The following PTPRD variants were observed in gnomAD, a reference collection of about 807,000 sequenced individuals.
The protein encoded by PTPRD is protein tyrosine phosphatase receptor type D, also known as receptor-type tyrosine-protein phosphatase delta.
PTPRD carries 34 observed loss-of-function variants against 214.5 expected under a neutral mutation model. The observed-to-expected ratio is 0.16, with a 90% CI of 0.12 to 0.21. The LOEUF (loss-of-function observed/expected upper bound fraction) is 0.21. Ranked by LOEUF, PTPRD falls within the 10% of genes least tolerant of loss-of-function variation. PTPRD has a pLI of 1.00. For synonymous variants in PTPRD, 1,128 were observed against 845.7 expected (o/e 1.33, Z -5.79); for missense variants, 2,545 against 2,398.7 (o/e 1.06, Z -1.27).
At chr9:10,434,009 T>G (rs1174639629) in intron 2 of PTPRD, among the ~76,000 whole-genome samples, 1 of 151,836 alleles carries the variant, frequency 6.6e-6, no homozygotes, top group East Asian at 1.9e-4. Flanking sequence ...CAGATGAAAA[T>G]TATAAACAAT....
chr9:8,639,010 T>C (rs2096513032), intron 12 of PTPRD, among the ~76,000 whole-genome samples: 1 of 152,048 alleles, frequency 6.6e-6, no homozygotes, highest in South Asian at 2.1e-4. Context: ...GCTCAGCTAA[T>C]TTTTGTATTT....
At chr9:8,842,604 G>C (rs1379910495) in intron 11 of PTPRD, among the ~76,000 whole-genome samples, 3 of 152,196 alleles carry the variant, frequency 2.0e-5, no homozygotes, top group Middle Eastern at 3.4e-3. Flanking sequence ...GTTAGGCTCA[G>C]TACTGTCTCT....
intron 2 of PTPRD, among the ~76,000 whole-genome samples, chr9:10,549,421 T>C (rs2060836015): frequency 6.6e-6 from 1 of 152,142 alleles, no homozygotes; most frequent in African/African-American, 2.4e-5. Context: ...AAATTGTCTA[T>C]CATTTAGTCT....
At chr9:8,816,802 G>C (rs1042205070) in intron 11 of PTPRD, among the ~76,000 whole-genome samples, 4 of 151,834 alleles carry the variant, frequency 2.6e-5, no homozygotes, top group African/African-American at 9.7e-5. Context: ...TTTAGGAATA[G>C]AAGAAGAAAG....
intron 3 of PTPRD, among the ~76,000 whole-genome samples, chr9:10,039,062 A>G (rs147000957): frequency 1.3e-5 from 2 of 152,256 alleles, no homozygotes; most frequent in East Asian, 1.9e-4. Flanking sequence ...AATTGGCTAC[A>G]TGAAAAAGAT....
chr9:9,009,535 G>C (rs1409021683), intron 11 of PTPRD, among the ~76,000 whole-genome samples: 1 of 151,720 alleles, frequency 6.6e-6, no homozygotes, highest in Non-Finnish European at 1.5e-5. Context: ...CTGGAAAGGA[G>C]GAAAAGTATA....
At chr9:9,488,456 G>C (rs1247907946) in intron 8 of PTPRD, among the ~76,000 whole-genome samples, 1 of 152,176 alleles carries the variant, frequency 6.6e-6, no homozygotes, top group South Asian at 2.1e-4. Context: ...AGCAACTGGA[G>C]AATAGTGTTT....
intron 10 of PTPRD, among the ~76,000 whole-genome samples, chr9:9,100,101 A>G (rs1052036491): frequency 6.6e-6 from 1 of 152,152 alleles, no homozygotes; most frequent in African/African-American, 2.4e-5. Flanking sequence ...CAGAAAGTAG[A>G]TTATTTATTT....
intron 31 of PTPRD, 87 bp downstream of exon 31, chr9:8,470,908 G>A (rs948514391): frequency 8.5e-7 from 1 of 1,182,242 alleles, no homozygotes; most frequent in Admixed American, 1.7e-5. Flanking sequence ...ACCCAGATTA[G>A]ATCCTGAAAG....
chr9:9,075,879 A>G (rs1314724379), intron 10 of PTPRD, among the ~76,000 whole-genome samples: 1 of 152,156 alleles, frequency 6.6e-6, no homozygotes, highest in African/African-American at 2.4e-5. Context: ...ATACGTGTGC[A>G]TGTGTCTTTA....
At chr9:8,685,357 G>A (rs976385771) in intron 12 of PTPRD, among the ~76,000 whole-genome samples, 11 of 151,732 alleles carry the variant, frequency 7.2e-5, no homozygotes, top group Admixed American at 3.3e-4. Flanking sequence ...CAGAATTTTG[G>A]GGAAAAAAAA....
At chr9:9,089,991 C>A (rs1452046371) in intron 10 of PTPRD, among the ~76,000 whole-genome samples, 5 of 152,090 alleles carry the variant, frequency 3.3e-5, no homozygotes, top group African/African-American at 1.2e-4. Flanking sequence ...TATTTTGATA[C>A]ATGCATACAT....
intron 11 of PTPRD, among the ~76,000 whole-genome samples, chr9:8,925,858 AT>A (rs33971552): frequency 0.061 from 7,346 of 120,114 alleles, 578 homozygotes; most frequent in African/African-American, 0.19. Context: ...CTATTGCAAT[AT>A]TTTTTTTTTT....
At chr9:8,602,243 C>T in intron 14 of PTPRD, among the ~76,000 whole-genome samples, 1 of 152,200 alleles carries the variant, frequency 6.6e-6, no homozygotes, top group East Asian at 1.9e-4. Context: ...AACATGTTTT[C>T]ACAATTAAGG....
chr9:8,743,810 AATAATAATAAT>A (rs779336618), intron 11 of PTPRD, among the ~76,000 whole-genome samples: 11,107 of 149,774 alleles, frequency 0.074, 1,103 homozygotes, highest in African/African-American at 0.23. Context: ...TAATAATAAT[AATAATAATAAT>A]AATAATAATA....
At chr9:10,094,155 C>A (rs928483840) in intron 3 of PTPRD, among the ~76,000 whole-genome samples, 19 of 151,382 alleles carry the variant, frequency 1.3e-4, no homozygotes, top group African/African-American at 4.6e-4. Context: ...GATTAGCTGA[C>A]CGCTGTCTTG....
intron 2 of PTPRD, among the ~76,000 whole-genome samples, chr9:10,355,373 T>C (rs1261206124): frequency 2.8e-5 from 4 of 140,914 alleles, no homozygotes; most frequent in Non-Finnish European, 3.1e-5. Flanking sequence ...TGAACTGTTA[T>C]ATTTTTAAAA....
At chr9:9,719,520 G>C (rs752571432) in intron 7 of PTPRD, among the ~76,000 whole-genome samples, 2 of 149,702 alleles carry the variant, frequency 1.3e-5, no homozygotes, top group Non-Finnish European at 2.9e-5. Flanking sequence ...GCTGGTACCA[G>C]GCAGCTTCCC....
At chr9:9,006,677 T>G (rs999437293) in intron 11 of PTPRD, among the ~76,000 whole-genome samples, 3 of 152,164 alleles carry the variant, frequency 2.0e-5, no homozygotes, top group African/African-American at 7.2e-5. Context: ...GGAGTATTAC[T>G]GATATCATAA....
Sources: allele counts gnomAD v4.1 joint callset (sites outside exome capture counted in the v4.1 genomes callset), GRCh38; gene constraint gnomAD v4.1.1; transcripts MANE v1.5; gene names NCBI Gene and HGNC (gene_info 2026-07-23, HGNC 2026-07-21).